Variants in CREB5 observed in about 807,000 individuals in gnomAD.
The protein encoded by CREB5 is cAMP responsive element binding protein 5.
Under a neutral mutation model 57.1 loss-of-function variants are expected in CREB5, and 19 were observed. The ratio of observed to expected loss-of-function variants is 0.33; its 90% CI spans 0.23 to 0.49. The LOEUF (loss-of-function observed/expected upper bound fraction) is 0.49. CREB5 is among the 20% of genes least tolerant of loss of function. The pLI, the probability that CREB5 is intolerant of heterozygous loss-of-function variation, is 0.99. For missense variants in CREB5, 579 were observed against 671.6 expected, an observed-to-expected ratio of 0.86 and a Z score of 1.52; for synonymous variants, 238 against 238.3, an observed-to-expected ratio of 1.00 and a Z score of 0.01.
chr7:28,608,198 C>T (rs1797238097), intron 5 of CREB5, among the ~76,000 whole-genome samples: 1 of 151,276 alleles, frequency 6.6e-6, no homozygotes, highest in Admixed American at 6.6e-5. Flanking sequence ...TGTGTCTTTC[C>T]TTACTCCTAA....
At chr7:28,448,759 G>T (rs1224009021) in intron 1 of CREB5, among the ~76,000 whole-genome samples, 4 of 152,244 alleles carry the variant, frequency 2.6e-5, no homozygotes, top group Non-Finnish European at 2.9e-5. Flanking sequence ...CAGGTTTTCA[G>T]TGTAAATCCA....
chr7:28,601,350 G>C (rs1393969480), intron 5 of CREB5, among the ~76,000 whole-genome samples: 2 of 152,230 alleles, frequency 1.3e-5, no homozygotes, highest in East Asian at 3.9e-4. Context: ...AATGAAAAAG[G>C]CATTTGCAGG....
At chr7:28,466,081 C>CATAAT (rs2128579011) in intron 1 of CREB5, among the ~76,000 whole-genome samples, 1 of 152,188 alleles carries the variant, frequency 6.6e-6, no homozygotes, top group Non-Finnish European at 1.5e-5. Context: ...ACCTGAAGGG[C>CATAAT]ATAATAACAC....
At chr7:28,761,594 G>T (rs376147989) in intron 7 of CREB5, among the ~76,000 whole-genome samples, 18 of 152,222 alleles carry the variant, frequency 1.2e-4, no homozygotes, top group African/African-American at 4.3e-4. Context: ...TCACGGCATC[G>T]TACCAATATC....
intron 1 of CREB5, among the ~76,000 whole-genome samples, chr7:28,345,700 C>T (rs77109932): frequency 3.9e-5 from 6 of 152,034 alleles, no homozygotes; most frequent in Non-Finnish European, 7.4e-5. Context: ...CTGGGCAAGT[C>T]GGGAGGTGAT....
chr7:28,769,125 A>G (rs1458497698), intron 7 of CREB5, among the ~76,000 whole-genome samples: 1 of 152,104 alleles, frequency 6.6e-6, no homozygotes, highest in Non-Finnish European at 1.5e-5. Flanking sequence ...TAGTAAAAGA[A>G]CAACATTTTT....
intron 3 of CREB5, 128 bp downstream of exon 3, chr7:28,495,127 T>G: frequency 1.9e-6 from 1 of 535,678 alleles, no homozygotes; most frequent in Non-Finnish European, 3.2e-6. Context: ...TTCTAAGGTA[T>G]AGCAGAAATA....
intron 3 of CREB5, among the ~76,000 whole-genome samples, chr7:28,500,472 C>A (rs1307671938): frequency 6.6e-6 from 1 of 152,188 alleles, no homozygotes; most frequent in East Asian, 1.9e-4. Context: ...TCAGCACTCA[C>A]CATTTGATAG....
chr7:28,419,561 A>C (rs1438932024), intron 1 of CREB5, among the ~76,000 whole-genome samples: 2 of 152,236 alleles, frequency 1.3e-5, no homozygotes, highest in South Asian at 2.1e-4. Flanking sequence ...CAATTTTAAT[A>C]TTCATACATA....
intron 4 of CREB5, among the ~76,000 whole-genome samples, chr7:28,539,189 T>A (rs1274274555): frequency 3.9e-5 from 6 of 152,216 alleles, no homozygotes; most frequent in Admixed American, 3.3e-4. Context: ...ACCATTCAAT[T>A]TGGTAATTCT....
chr7:28,623,806 T>C (rs556539014), intron 5 of CREB5, among the ~76,000 whole-genome samples: 5 of 152,222 alleles, frequency 3.3e-5, no homozygotes, highest in Non-Finnish European at 7.4e-5. Flanking sequence ...TTTTGTGGTA[T>C]GCAAGTAAGA....
intron 7 of CREB5, among the ~76,000 whole-genome samples, chr7:28,789,429 C>CT (rs897098374): frequency 1.6e-4 from 24 of 152,340 alleles, no homozygotes; most frequent in African/African-American, 5.0e-4. Flanking sequence ...CCCATCCTCA[C>CT]TGGGGATGTC....
chr7:28,673,959 T>C (rs1800193916), intron 5 of CREB5, among the ~76,000 whole-genome samples: 2 of 151,970 alleles, frequency 1.3e-5, no homozygotes, highest in African/African-American at 4.8e-5. Flanking sequence ...CAGGTGTGGC[T>C]GCCATGTCCA....
intron 6 of CREB5, among the ~76,000 whole-genome samples, chr7:28,723,850 C>T (rs567291053): frequency 6.6e-6 from 1 of 152,044 alleles, no homozygotes; most frequent in African/African-American, 2.4e-5. Context: ...TGAAATAGAT[C>T]GTTTAGTTTT....
chr7:28,731,517 C>G (rs1028373445), intron 7 of CREB5, among the ~76,000 whole-genome samples: 1 of 152,062 alleles, frequency 6.6e-6, no homozygotes, highest in Non-Finnish European at 1.5e-5. Flanking sequence ...TTGGCAAAAT[C>G]GTTTCTTTTG....
At chr7:28,712,894 A>G (rs1403338659) in intron 5 of CREB5, among the ~76,000 whole-genome samples, 3 of 152,144 alleles carry the variant, frequency 2.0e-5, no homozygotes, top group African/African-American at 7.2e-5. Flanking sequence ...ATTTTGCATT[A>G]GTAATTGCCA....
intron 5 of CREB5, among the ~76,000 whole-genome samples, chr7:28,692,927 G>T (rs1345382417): frequency 6.6e-6 from 1 of 152,122 alleles, no homozygotes; most frequent in Non-Finnish European, 1.5e-5. Context: ...TTTAACACAA[G>T]TCCATACATC....
In CREB5 at chr7:28,821,357, A is replaced by G. The variant is rs1358211444; in HGVS notation, c.*2078A>G. ...CTAATAACTTACTTTTTAAATCAAT[A>G]TTTATCAACAATCTTTCCTTGTATG... On this transcript the variant is annotated 3_prime_UTR_variant, in exon 11 of 11. Coordinates refer to ENST00000357727, the MANE Select transcript of CREB5 (RefSeq NM_182898.4). The G allele has an allele frequency of 6.6e-6, 1 of 151,964 alleles. No homozygotes were observed. Among genetic ancestry groups the G allele is most frequent in the Non-Finnish European group, 1.5e-5 (1 of 67,996 alleles). The allele number at this position is 151,964 out of a possible 1,614,324, so 9.4% of individuals were successfully genotyped here. A position where few individuals can be genotyped will look rare whatever the true frequency, so the allele number is the denominator to read the frequency against.
At chr7:28,755,586 GT>G (rs1480960300) in intron 7 of CREB5, among the ~76,000 whole-genome samples, 1 of 152,152 alleles carries the variant, frequency 6.6e-6, no homozygotes. Flanking sequence ...GATGAAATCA[GT>G]TTTTTTGGAA....
Sources: gnomAD v4.1 joint callset for allele counts (sites outside exome capture counted in the v4.1 genomes callset) on GRCh38, gnomAD v4.1.1 for gene constraint, MANE v1.5 for transcripts, NCBI Gene and HGNC (gene_info 2026-07-23, HGNC 2026-07-21) for gene names.